Variants in SYT16 observed in about 807,000 individuals in gnomAD.
SYT16 encodes synaptotagmin-16.
A neutral mutation model predicts 61.4 loss-of-function variants in SYT16; 42 were observed. The observed-to-expected ratio is 0.68, with a 90% CI of 0.53 to 0.89. The LOEUF is 0.89. Among genes scored for constraint, SYT16 ranks in the 40% least tolerant of loss-of-function variants. The pLI is 0.00. For missense variants in SYT16, 804 were observed against 807.3 expected (o/e 1.00, Z 0.05); for synonymous variants, 314 against 302.3 (o/e 1.04, Z -0.40).
At chr14:62,016,949 G>A (rs1207293964) in intron 3 of SYT16, among the ~76,000 whole-genome samples, 1 of 152,016 alleles carries the variant, frequency 6.6e-6, no homozygotes, top group Admixed American at 6.5e-5. Context: ...TGATTTTCCT[G>A]TGCTAGATTC....
chr14:61,974,913 AC>A (rs1202821815), intron 2 of SYT16, among the ~76,000 whole-genome samples: 1 of 152,228 alleles, frequency 6.6e-6, no homozygotes, highest in Non-Finnish European at 1.5e-5. Flanking sequence ...TGGTGCCTGC[AC>A]AAGATTACTC....
At chr14:62,095,987 T>C (rs1179092526) in intron 7 of SYT16, among the ~76,000 whole-genome samples, 1 of 152,000 alleles carries the variant, frequency 6.6e-6, no homozygotes, top group Non-Finnish European at 1.5e-5. Flanking sequence ...AGACATGGTA[T>C]TAGAAATTAG....
chr14:61,993,422 T>A (rs1313812043), intron 2 of SYT16, among the ~76,000 whole-genome samples: 5 of 151,712 alleles, frequency 3.3e-5, no homozygotes, highest in African/African-American at 1.2e-4. Context: ...AGAACTGAAA[T>A]AAAAAAAATT....
chr14:61,986,453 A>G (rs1006591615), intron 2 of SYT16, among the ~76,000 whole-genome samples: 10 of 149,744 alleles, frequency 6.7e-5, no homozygotes, highest in Non-Finnish European at 8.9e-5. Flanking sequence ...ATTTATATAT[A>G]TATATATTTT....
At chr14:61,934,766 C>T (rs1032462852) in intron 1 of SYT16, among the ~76,000 whole-genome samples, 47 of 152,270 alleles carry the variant, frequency 3.1e-4, no homozygotes, top group African/African-American at 1.1e-3. Flanking sequence ...TTCTAGTTGA[C>T]CTCTGAGGTT....
chr14:61,874,624 A>AT lies in SYT16; in HGVS notation c.-325+61814_-325+61815insT, dbSNP rs551217641. 4.6e-5 allele frequency among the ~76,000 whole-genome samples: 7 copies of AT among 152,318 alleles called. No homozygotes were observed. The East Asian group carries it at 1.4e-3, about 29-fold the overall frequency. On this transcript the variant is annotated intron_variant, in intron 1 of 7. Coordinates refer to ENST00000683842, the MANE Select transcript of SYT16 (RefSeq NM_001367656.1). ...TACCTTTAATTTATATTTGAAAAAA[A>AT]GTTAGAGTCCATCCAGATGAGACTC...
At chr14:61,829,775 C>T (rs530510605) in intron 1 of SYT16, among the ~76,000 whole-genome samples, 3 of 152,250 alleles carry the variant, frequency 2.0e-5, no homozygotes, top group East Asian at 3.9e-4. Context: ...CTGCCTCAGC[C>T]TCCCGAGTAG....
intron 3 of SYT16, among the ~76,000 whole-genome samples, chr14:62,038,518 T>C (rs1407264635): frequency 6.6e-6 from 1 of 152,166 alleles, no homozygotes; most frequent in Non-Finnish European, 1.5e-5. Context: ...TACACATCCG[T>C]CTGCTTAATC....
intron 2 of SYT16, among the ~76,000 whole-genome samples, chr14:61,982,515 A>G (rs2052127240): frequency 6.6e-6 from 1 of 152,116 alleles, no homozygotes; most frequent in South Asian, 2.1e-4. Flanking sequence ...CAAGAACAGT[A>G]TGGGGGAAAC....
chr14:62,049,527 A>T (rs1248234333), intron 3 of SYT16, among the ~76,000 whole-genome samples: 1 of 152,200 alleles, frequency 6.6e-6, no homozygotes, highest in Non-Finnish European at 1.5e-5. Context: ...TTATAATGTT[A>T]GCTGGTTATT....
chr14:62,020,309 C>T (rs2053861071), intron 3 of SYT16, among the ~76,000 whole-genome samples: 7 of 152,142 alleles, frequency 4.6e-5, no homozygotes, highest in Admixed American at 4.6e-4. Flanking sequence ...CTCAAGTTTA[C>T]TACTGTGTGT....
intron 1 of SYT16, among the ~76,000 whole-genome samples, chr14:61,889,107 G>A (rs990228553): frequency 6.6e-6 from 1 of 152,196 alleles, no homozygotes; most frequent in African/African-American, 2.4e-5. Context: ...GGTGATAGTT[G>A]CAGGGACCAC....
chr14:62,018,298 C>CTTTTTTTTTT lies in SYT16; in HGVS notation c.523+21775_523+21784dup, dbSNP rs776473522. On this transcript the variant is annotated intron_variant, in intron 3 of 7. Coordinates refer to ENST00000683842, the MANE Select transcript of SYT16 (RefSeq NM_001367656.1). ...GGGTCTTTCTCTTCTTCTTCTTCTTCTTTTTTTTTTTTTTTTTTTTTTTTT... is the reference window on the plus strand; with the variant it reads ...GGGTCTTTCTCTTCTTCTTCTTCTTCTTTTTTTTTTTTTTTTTTTTTTTTTTTTTTTTTTT... Among the ~76,000 whole-genome samples, 53 of 51,650 alleles carry CTTTTTTTTTT rather than the reference C, an allele frequency of 1.0e-3. 5 individuals carry two copies. Among genetic ancestry groups the CTTTTTTTTTT allele is most frequent in the Non-Finnish European group, 1.2e-3 (37 of 30,196 alleles). 33.9% of individuals were successfully genotyped at this position (51,650 alleles called of 152,430 possible).
At chr14:62,073,992 T>A (rs2056391934) in intron 4 of SYT16, among the ~76,000 whole-genome samples, 1 of 152,190 alleles carries the variant, frequency 6.6e-6, no homozygotes, top group Admixed American at 6.5e-5. Flanking sequence ...TAGAAGAGCT[T>A]TATGACATAG....
intron 1 of SYT16, among the ~76,000 whole-genome samples, chr14:61,941,754 C>T (rs2050219426): frequency 6.6e-6 from 1 of 152,162 alleles, no homozygotes. Flanking sequence ...ATCGCTATGA[C>T]CATAGGTGCA....
In SYT16 at chr14:62,084,325, T is replaced by G; in HGVS notation, c.1564T>G (p.Leu522Val). ...GLSYNATTGR[L>V]SVEMIKGSHF... ...CTCGTACAATGCCACAACGGGGCGA[T>G]TATCTGTGGAAATGATCAAAGGCAG... Residue 522 changes from leucine to valine, a missense_variant, in exon 7 of 8, where the codon TTA becomes GTA. Physicochemically the swap from Leu to Val is conservative, Grantham distance 32. Transcript: ENST00000683842. 3 of 1,613,484 alleles carry G rather than the reference T, an allele frequency of 1.9e-6. No individual in the cohort carries two copies. Among genetic ancestry groups the G allele is most frequent in the Non-Finnish European group, 2.5e-6 (3 of 1,179,800 alleles).
At position 61,881,270 on chromosome 14, in the gene SYT16, T is replaced by C. The variant is rs143397375; in HGVS notation, c.-325+68460T>C. Among the ~76,000 whole-genome samples, 5 of 152,376 alleles carry C rather than the reference T, an allele frequency of 3.3e-5. No homozygotes were observed. In the East Asian group the frequency reaches 9.6e-4, roughly 29 times the overall value. On this transcript the variant is annotated intron_variant, in intron 1 of 7. Coordinates refer to ENST00000683842, the MANE Select transcript of SYT16 (RefSeq NM_001367656.1). ...TGAAATCACTCTCCCTTGACATTTA[T>C]GTCCCTTTCTAGCCAGTGCTCCATT...
At chr14:61,852,602 G>C (rs888995918) in intron 1 of SYT16, among the ~76,000 whole-genome samples, 11 of 152,190 alleles carry the variant, frequency 7.2e-5, no homozygotes, top group African/African-American at 2.6e-4. Flanking sequence ...TTTGAGCAGT[G>C]GTTTGTAGTT....
At chr14:62,069,209 G>A (rs1043618418) in intron 3 of SYT16, among the ~76,000 whole-genome samples, 1 of 152,168 alleles carries the variant, frequency 6.6e-6, no homozygotes, top group African/African-American at 2.4e-5. Flanking sequence ...TAGATGAAGA[G>A]CATACATCCC....
Sources: gnomAD v4.1 joint callset for allele counts (sites outside exome capture counted in the v4.1 genomes callset) on GRCh38, gnomAD v4.1.1 for gene constraint, MANE v1.5 for transcripts, NCBI Gene and HGNC (gene_info 2026-07-23, HGNC 2026-07-21) for gene names.